The following WDR5 variants were observed in gnomAD, a reference collection of about 807,000 sequenced individuals.
WDR5 encodes WD repeat domain 5.
For synonymous variants in WDR5, 144 were observed against 161.6 expected (o/e 0.89, Z 0.83); for missense variants, 187 against 416.9 (o/e 0.45, Z 4.80).
At chr9:134,154,084 C>T (rs1182678898) in intron 9 of WDR5, among the ~76,000 whole-genome samples, 6 of 152,280 alleles carry the variant, frequency 3.9e-5, no homozygotes, top group East Asian at 1.9e-4. Flanking sequence ...GGAGAATTTC[C>T]GAGGTGATTC....
At chr9:134,148,228 C>T in intron 7 of WDR5, 60 bp from the exon 8 acceptor site, 1 of 641,512 alleles carries the variant, frequency 1.6e-6, no homozygotes, top group Admixed American at 2.5e-5. Flanking sequence ...AGGTAAGAAG[C>T]AGTTGTGTCC....
intron 7 of WDR5, among the ~76,000 whole-genome samples, chr9:134,145,882 G>C (rs1361434808): frequency 6.6e-6 from 1 of 152,002 alleles, no homozygotes; most frequent in East Asian, 1.9e-4. Flanking sequence ...CTTGGCTAGG[G>C]GCCTTGCCAT....
At chr9:134,147,524 C>G (rs1289399133) in intron 7 of WDR5, among the ~76,000 whole-genome samples, 3 of 152,176 alleles carry the variant, frequency 2.0e-5, no homozygotes, top group African/African-American at 7.2e-5. Flanking sequence ...CCCTGTCCCC[C>G]CCGGAAGAGT....
chr9:134,154,561 G>C lies in WDR5; in HGVS notation c.707+20G>C. On this transcript the variant is annotated intron_variant, in intron 10 of 13. Coordinates refer to ENST00000358625, the MANE Select transcript of WDR5 (RefSeq NM_017588.3). ...GGACAAGTGAGTACTGCGTGGGACTGTGGGGGCGGGCATGTGGCCTCCCCA... is the reference window on the plus strand; with the variant it reads ...GGACAAGTGAGTACTGCGTGGGACTCTGGGGGCGGGCATGTGGCCTCCCCA... 9 of 1,613,474 alleles carry C rather than the reference G, an allele frequency of 5.6e-6. No homozygotes were observed. Among genetic ancestry groups the C allele is most frequent in the African/African-American group, 2.7e-5 (2 of 75,052 alleles).
At chr9:134,136,429 C>T (rs553403582) in intron 1 of WDR5, among the ~76,000 whole-genome samples, 1 of 151,986 alleles carries the variant, frequency 6.6e-6, no homozygotes, top group South Asian at 2.1e-4. Flanking sequence ...CCACTCGCGC[C>T]CCCACCTCCG....
chr9:134,151,869 T>C (rs1442817006), intron 8 of WDR5, 114 bp from the exon 9 acceptor site: 3 of 1,077,970 alleles, frequency 2.8e-6, no homozygotes, highest in Non-Finnish European at 4.1e-6. Flanking sequence ...AGCATAACTT[T>C]TAAAAAAAGA....
rs1030420139 is a variant in WDR5, at chr9:134,140,831, T to C, written c.190+20T>C. On this transcript the variant is annotated intron_variant, in intron 3 of 13. Coordinates refer to ENST00000358625, the MANE Select transcript of WDR5 (RefSeq NM_017588.3). ...GTTCATGTACGTAGCACTGAGGCCC[T>C]TAGCTGCTGGGAGAGGCGGTCTGAG... 3 of 1,606,348 alleles carry C rather than the reference T, an allele frequency of 1.9e-6. No individual in the cohort carries two copies. The highest frequency in any genetic ancestry group is 1.3e-5 in the African/African-American group (1 of 74,762).
intron 8 of WDR5, 76 bp downstream of exon 8, chr9:134,148,419 G>A: frequency 7.4e-7 from 1 of 1,344,490 alleles, no homozygotes; most frequent in Non-Finnish European, 1.1e-6. Flanking sequence ...TCCTGCATCT[G>A]GGGGTACAGC....
Position 134,157,476 on chromosome 9 carries a change from G to A in WDR5, c.905-417G>A, listed in dbSNP as rs1047014695. ...GGTGGGAGTGGGCGGCTCAGGGTCC[G>A]AGGAGAAGAGGGACATTGTCGATAA... On this transcript the variant is annotated intron_variant, in intron 13 of 13. Transcript: ENST00000358625. This position sits in a 1 kb window ranked among gnomAD's most constrained non-coding sequence, Gnocchi z 5.0. Among the ~76,000 whole-genome samples, 11 of 152,118 alleles carry A rather than the reference G, an allele frequency of 7.2e-5. No homozygotes were observed. Among genetic ancestry groups the A allele is most frequent in the African/African-American group, 1.9e-4 (8 of 41,432 alleles).
chr9:134,150,991 A>C (rs1832458949), intron 8 of WDR5, among the ~76,000 whole-genome samples: 1 of 152,226 alleles, frequency 6.6e-6, no homozygotes, highest in African/African-American at 2.4e-5. Context: ...GAAATGAGAA[A>C]TGGAACTGAA....
intron 4 of WDR5, 86 bp from the exon 5 acceptor site, chr9:134,141,863 G>C: frequency 7.6e-7 from 1 of 1,317,358 alleles, no homozygotes; most frequent in Non-Finnish European, 1.1e-6. Context: ...TTTCCTGAGG[G>C]CAATGGGGAT....
rs549223295 is a variant in WDR5, at chr9:134,158,205, A to G, written c.*212A>G. 2.6e-4 allele frequency: 140 copies of G among 542,610 alleles called. 1 individual carries two copies. The highest frequency in any genetic ancestry group is 2.0e-3 in the African/African-American group (108 of 53,016). 33.6% of individuals were successfully genotyped at this position (542,610 alleles called of 1,614,324 possible). On this transcript the variant is annotated 3_prime_UTR_variant, in exon 14 of 14. Coordinates refer to ENST00000358625, the MANE Select transcript of WDR5 (RefSeq NM_017588.3). The stretch of plus-strand genomic sequence containing the variant: ...GCTGGTGACATTTCTTGCCAATTCT[A>G]ACACTGTCTAGGGAAGAGTTCCTAG...
chr9:134,143,668 C>T (rs1261017880), intron 7 of WDR5, among the ~76,000 whole-genome samples: 4 of 151,878 alleles, frequency 2.6e-5, no homozygotes, highest in African/African-American at 9.7e-5. Context: ...GTTGAGACTA[C>T]AGGCGCCCAC....
intron 9 of WDR5, among the ~76,000 whole-genome samples, chr9:134,154,136 G>T (rs79929830): frequency 0.04 from 6,070 of 152,256 alleles, 395 homozygotes; most frequent in African/African-American, 0.14. Flanking sequence ...CCTCTGTTGA[G>T]TTGGGCATTC....
At chr9:134,147,192 A>G (rs1242884313) in intron 7 of WDR5, among the ~76,000 whole-genome samples, 1 of 152,276 alleles carries the variant, frequency 6.6e-6, no homozygotes, top group East Asian at 1.9e-4. Context: ...TGTAGCTTCT[A>G]GAACAATTAA....
chr9:134,158,167 GT>G lies in WDR5; in HGVS notation c.*176del. The G allele has an allele frequency of 1.7e-6, 1 of 574,674 alleles. No individual in the cohort carries two copies. Among genetic ancestry groups the G allele is most frequent in the East Asian group, 2.9e-5 (1 of 34,232 alleles). The allele number at this position is 574,674 out of a possible 1,614,324, so 35.6% of individuals were successfully genotyped here. On this transcript the variant is annotated 3_prime_UTR_variant, in exon 14 of 14. Coordinates refer to ENST00000358625, the MANE Select transcript of WDR5 (RefSeq NM_017588.3). ...AGCGGAAGGTGTGGACCACCGGAAA[GT>G]TCTTAAAAGTTGCTGGTGACATTTC...
chr9:134,138,131 G>A (rs184259341), intron 1 of WDR5, among the ~76,000 whole-genome samples: 1 of 152,324 alleles, frequency 6.6e-6, no homozygotes, highest in Admixed American at 6.5e-5. Flanking sequence ...GGCAGGTTGG[G>A]CTTGAGCTGG....
chr9:134,156,627 C>T (rs375030836), intron 13 of WDR5, 34 bp downstream of exon 13: 78 of 1,600,818 alleles, frequency 4.9e-5, no homozygotes, highest in Non-Finnish European at 6.1e-5. Flanking sequence ...CACTGGCTGC[C>T]TGTTGATGTG....
At chr9:134,155,413 C>T (rs750683303) in intron 11 of WDR5, 40 bp downstream of exon 11, 45 of 1,575,598 alleles carry the variant, frequency 2.9e-5, no homozygotes, top group Middle Eastern at 3.4e-4. Flanking sequence ...GTGCACCATC[C>T]CTGGGTCATG....
Sources: allele counts gnomAD v4.1 joint callset (sites outside exome capture counted in the v4.1 genomes callset), GRCh38; gene constraint gnomAD v4.1.1; non-coding constraint Gnocchi (gnomAD v3.1); transcripts MANE v1.5; gene names NCBI Gene and HGNC (gene_info 2026-07-23, HGNC 2026-07-21).